BTBD9: variants seen among roughly 807,000 people sequenced by gnomAD.
The protein encoded by BTBD9 is BTB/POZ domain-containing protein 9.
Under a neutral mutation model 64.3 loss-of-function variants are expected in BTBD9, and 49 were observed. That is an observed-to-expected ratio of 0.76 (90% confidence interval 0.61 to 0.97). The LOEUF (loss-of-function observed/expected upper bound fraction) is 0.97. Ranked by LOEUF, BTBD9 falls within the 50% of genes least tolerant of loss-of-function variation. BTBD9 has a pLI of 0.00. For synonymous variants in BTBD9, 260 were observed against 274.7 expected, an observed-to-expected ratio of 0.95 and a Z score of 0.53; for missense variants, 598 against 762.1, an observed-to-expected ratio of 0.78 and a Z score of 2.53.
intron 6 of BTBD9, among the ~76,000 whole-genome samples, chr6:38,557,497 A>G (rs1562337299): frequency 1.3e-5 from 2 of 152,258 alleles, no homozygotes; most frequent in Non-Finnish European, 2.9e-5. Context: ...ATAGTTGGAC[A>G]ATAATACTTA....
intron 4 of BTBD9, among the ~76,000 whole-genome samples, chr6:38,591,601 T>C (rs778174685): frequency 1.7e-4 from 26 of 152,216 alleles, no homozygotes; most frequent in Admixed American, 3.3e-4. Context: ...TAGGTTTGAC[T>C]CTCAGCTCTG....
At chr6:38,447,719 A>T (rs1582446067) in intron 6 of BTBD9, among the ~76,000 whole-genome samples, 1 of 151,960 alleles carries the variant, frequency 6.6e-6, no homozygotes, top group African/African-American at 2.4e-5. Flanking sequence ...AGAAGAAAAA[A>T]CCCTGTATCT....
intron 9 of BTBD9, among the ~76,000 whole-genome samples, chr6:38,230,852 T>C (rs1353325680): frequency 6.6e-6 from 1 of 152,240 alleles, no homozygotes. Context: ...CTTTCTGGCC[T>C]AAAGTAGCTG....
intron 7 of BTBD9, among the ~76,000 whole-genome samples, chr6:38,321,996 G>T (rs1051090173): frequency 2.0e-5 from 3 of 151,696 alleles, no homozygotes; most frequent in Non-Finnish European, 4.4e-5. Context: ...CCTAAAAAGA[G>T]CCTTCTAACA....
Position 38,426,761 on chromosome 6 carries a change from A to G in BTBD9, c.1155-81668T>C, listed in dbSNP as rs1026859390. Among the ~76,000 whole-genome samples, 3 of 151,984 alleles carry G rather than the reference A, an allele frequency of 2.0e-5. No individual in the cohort carries two copies. In the South Asian group the frequency reaches 6.2e-4, roughly 32 times the overall value. On this transcript the variant is annotated intron_variant, in intron 6 of 10. Transcript: ENST00000481247. ...GTGACCCACAGCTTCTAATAGAGCT[A>G]TAACACTCACTGCATGGCCCAAGAT... is the stretch of plus-strand genomic sequence containing the variant.
chr6:38,185,269 TG>T (rs1051182620), intron 10 of BTBD9, among the ~76,000 whole-genome samples: 8 of 152,190 alleles, frequency 5.3e-5, no homozygotes, highest in African/African-American at 1.9e-4. Flanking sequence ...GGCTTTTTAA[TG>T]GGGATTCATT....
At chr6:38,382,516 CAAAA>C (rs35186359) in intron 6 of BTBD9, among the ~76,000 whole-genome samples, 1 of 60,272 alleles carries the variant, frequency 1.7e-5, no homozygotes. Flanking sequence ...GACCTTGTCT[CAAAA>C]AAAAAAAAAA....
At chr6:38,310,683 T>C (rs1447125991) in intron 7 of BTBD9, among the ~76,000 whole-genome samples, 2 of 152,220 alleles carry the variant, frequency 1.3e-5, no homozygotes, top group African/African-American at 4.8e-5. Context: ...TGCGGGTACA[T>C]AGTAAGCATA....
In BTBD9 at chr6:38,171,959, G is replaced by A. The variant is rs1766810416; in HGVS notation, c.*3026C>T. 3 of 151,228 alleles carry A rather than the reference G, an allele frequency of 2.0e-5. No homozygotes were observed. Among genetic ancestry groups the A allele is most frequent in the South Asian group, 4.2e-4 (2 of 4,784 alleles). The allele number at this position is 151,228 out of a possible 1,614,324, so 9.4% of individuals were successfully genotyped here. A position where few individuals can be genotyped will look rare whatever the true frequency, so the allele number is the denominator to read the frequency against. The stretch of plus-strand genomic sequence containing the variant: ...GGCCACCTCCCATTTCTTTGCCTGG[G>A]TGGTGGTGACCATGGCGCCCTTGTG... On this transcript the variant is annotated 3_prime_UTR_variant, in exon 11 of 11. Transcript: ENST00000481247.
chr6:38,368,377 C>G (rs2127602901), intron 6 of BTBD9, among the ~76,000 whole-genome samples: 1 of 152,170 alleles, frequency 6.6e-6, no homozygotes, highest in African/African-American at 2.4e-5. Context: ...CTCTGTTGCC[C>G]AGGCTAGAGT....
intron 6 of BTBD9, among the ~76,000 whole-genome samples, chr6:38,477,710 T>C (rs1054893179): frequency 4.6e-5 from 7 of 152,248 alleles, no homozygotes; most frequent in African/African-American, 1.4e-4. Context: ...ATGCTGATTA[T>C]AGTTAAGAAA....
At chr6:38,330,303 T>C (rs939382597) in intron 7 of BTBD9, among the ~76,000 whole-genome samples, 2 of 152,214 alleles carry the variant, frequency 1.3e-5, no homozygotes, top group Non-Finnish European at 2.9e-5. Context: ...TCCACCCATA[T>C]TGGCCTCCCA....
chr6:38,311,137 T>C (rs12662422), intron 7 of BTBD9, among the ~76,000 whole-genome samples: 27,299 of 152,066 alleles, frequency 0.18, 2,607 homozygotes, highest in Admixed American at 0.21. Context: ...AATGTACAAT[T>C]AAATTATTAT....
chr6:38,478,644 T>G (rs1771000635), intron 6 of BTBD9, among the ~76,000 whole-genome samples: 1 of 152,236 alleles, frequency 6.6e-6, no homozygotes, highest in Non-Finnish European at 1.5e-5. Flanking sequence ...AAGTGGGTTC[T>G]TGGCTTCCGG....
intron 8 of BTBD9, among the ~76,000 whole-genome samples, chr6:38,257,157 C>T (rs921830006): frequency 6.6e-6 from 1 of 150,660 alleles, no homozygotes; most frequent in Non-Finnish European, 1.5e-5. Context: ...CCTACCTTTG[C>T]CTCCCAAAGT....
At chr6:38,401,053 A>C (rs1178483340) in intron 6 of BTBD9, among the ~76,000 whole-genome samples, 1 of 152,042 alleles carries the variant, frequency 6.6e-6, no homozygotes, top group Non-Finnish European at 1.5e-5. Flanking sequence ...TCCTTCCATA[A>C]TATGTATCAC....
chr6:38,248,712 A>T (rs2127529910), intron 9 of BTBD9, among the ~76,000 whole-genome samples: 1 of 152,366 alleles, frequency 6.6e-6, no homozygotes, highest in South Asian at 2.1e-4. Flanking sequence ...AAGATGGCTG[A>T]CATTGTAGGC....
intron 6 of BTBD9, among the ~76,000 whole-genome samples, chr6:38,368,438 G>A (rs1160384331): frequency 2.0e-5 from 3 of 152,014 alleles, no homozygotes; most frequent in Admixed American, 1.3e-4. Context: ...GGGTTCAAGC[G>A]ATTCTCCTGC....
intron 10 of BTBD9, 70 bp from the exon 11 acceptor site, chr6:38,175,252 G>T: frequency 6.5e-7 from 1 of 1,529,936 alleles, no homozygotes; most frequent in Non-Finnish European, 9.0e-7. Flanking sequence ...CCGCAAGTTG[G>T]GATACTGCCC....
Sources: gnomAD v4.1 joint callset for allele counts (sites outside exome capture counted in the v4.1 genomes callset) on GRCh38, gnomAD v4.1.1 for gene constraint, MANE v1.5 for transcripts, NCBI Gene and HGNC (gene_info 2026-07-23, HGNC 2026-07-21) for gene names.